Variants in KDM8 observed in about 807,000 individuals in gnomAD.
KDM8 encodes bifunctional peptidase and arginyl-hydroxylase JMJD5.
A neutral mutation model predicts 46.9 loss-of-function variants in KDM8; 35 were observed. That is an observed-to-expected ratio of 0.75 (90% CI 0.57 to 0.99). The LOEUF (loss-of-function observed/expected upper bound fraction) is 0.99, where lower values mean the gene tolerates loss of function less well. Among genes scored for constraint, KDM8 ranks in the 50% least tolerant of loss-of-function variants. The pLI is 0.00. For missense variants in KDM8, 475 were observed against 537.0 expected (o/e 0.88, Z 1.14); for synonymous variants, 232 against 227.7 (o/e 1.02, Z -0.17).
At chr16:27,211,018 G>C (rs2083478028) in intron 2 of KDM8, 2 of 389,826 alleles carry the variant, frequency 5.1e-6, no homozygotes, top group Admixed American at 3.3e-5. Context: ...GCCTAAAGCA[G>C]TCCTCCTGTC....
intron 1 of KDM8, chr16:27,204,567 G>C (rs1186713340): frequency 5.7e-6 from 1 of 176,554 alleles, no homozygotes; most frequent in Non-Finnish European, 1.2e-5. Flanking sequence ...AGGCTGATCT[G>C]TCCTGGAAGC....
chr16:27,213,656 G>C lies in KDM8; in HGVS notation c.570G>C (p.Pro190=). The change falls in exon 3 of 8, where the codon CCG becomes CCC. Residue 190 remains proline, a synonymous_variant. Transcript: ENST00000286096. The part of the protein sequence containing the change: ...LEKTVPRLHR[P]SLQHFREQFL... ...AAACAGTCCCCCGGCTGCACCGTCC[G>C]TCCCTCCAGCATTTCAGGGAGCAGT... 1 of 1,614,162 alleles carries C rather than the reference G, an allele frequency of 6.2e-7. No individual in the cohort carries two copies. Among genetic ancestry groups the C allele is most frequent in the East Asian group, 2.2e-5 (1 of 44,882 alleles).
At chr16:27,218,488 C>T (rs547315249) in intron 5 of KDM8, among the ~76,000 whole-genome samples, 4 of 152,312 alleles carry the variant, frequency 2.6e-5, no homozygotes, top group Admixed American at 1.3e-4. Flanking sequence ...TCTTCTCTGC[C>T]CAGCCTGTTT....
At chr16:27,218,739 A>G (rs2083582217) in intron 5 of KDM8, among the ~76,000 whole-genome samples, 1 of 152,106 alleles carries the variant, frequency 6.6e-6, no homozygotes, top group South Asian at 2.1e-4. Context: ...CCCAGCTAGT[A>G]AGGAGGCTGA....
chr16:27,211,323 C>A, intron 2 of KDM8: 1 of 405,238 alleles, frequency 2.5e-6, no homozygotes, highest in Non-Finnish European at 4.9e-6. Context: ...TCCTGTCTCT[C>A]TGCTCCTGGG....
chr16:27,204,061 G>T (rs1326593711), intron 1 of KDM8: 2 of 1,542,978 alleles, frequency 1.3e-6, no homozygotes, highest in Non-Finnish European at 1.8e-6. Context: ...CGCAAGGCAG[G>T]CTGGAAACGA....
Position 27,220,853 on chromosome 16 carries a change from C to A in KDM8, c.*123C>A. On this transcript the variant is annotated 3_prime_UTR_variant, in exon 8 of 8. Transcript: ENST00000286096. ...CTGTGTCCTGAAGAGCCTTCACTGC[C>A]CAGTGGCAGCCCTGGGGGGCTGAGC... The A allele has an allele frequency of 8.5e-7, 1 of 1,175,882 alleles. No homozygotes were observed. The highest frequency in any genetic ancestry group is 1.3e-6 in the Non-Finnish European group (1 of 795,856). The allele number at this position is 1,175,882 out of a possible 1,614,324, so 72.8% of individuals were successfully genotyped here.
intron 2 of KDM8, among the ~76,000 whole-genome samples, chr16:27,212,949 C>A (rs1425996511): frequency 6.6e-6 from 1 of 152,140 alleles, no homozygotes; most frequent in Non-Finnish European, 1.5e-5. Flanking sequence ...CTTGGTCTCC[C>A]AAAGTGCTGG....
rs1476875353 is a variant in KDM8, at chr16:27,210,462, C to T, written c.339C>T (p.Ala113=). The part of the protein sequence containing the change: ...ALCLCQAPED[A]NTVAAALRVC... ...GTCTGTGCCAGGCACCTGAGGATGCCAACACTGTGGCCGCAGCCCTGCGGG... is the reference window on the plus strand; with the variant it reads ...GTCTGTGCCAGGCACCTGAGGATGCTAACACTGTGGCCGCAGCCCTGCGGG... The change falls in exon 2 of 8, where the codon GCC becomes GCT. Residue 113 remains alanine (A), a synonymous_variant. Transcript: ENST00000286096. The T allele has an allele frequency of 7.5e-6, 12 of 1,593,012 alleles. No individual in the cohort carries two copies. The highest frequency in any genetic ancestry group is 1.0e-5 in the Non-Finnish European group (12 of 1,165,494).
chr16:27,208,827 G>A (rs2083451924), intron 1 of KDM8, among the ~76,000 whole-genome samples: 1 of 152,168 alleles, frequency 6.6e-6, no homozygotes, highest in Non-Finnish European at 1.5e-5. Context: ...AAGCCTTCTA[G>A]GAGGCTAGAG....
chr16:27,216,494 G>A (rs2140973310), intron 5 of KDM8, among the ~76,000 whole-genome samples: 1 of 152,308 alleles, frequency 6.6e-6, no homozygotes, highest in East Asian at 1.9e-4. Context: ...TCAAGGATAG[G>A]GCCAGGTGCG....
chr16:27,217,058 G>T (rs571095284), intron 5 of KDM8, among the ~76,000 whole-genome samples: 10 of 152,204 alleles, frequency 6.6e-5, no homozygotes, highest in Admixed American at 1.3e-4. Flanking sequence ...ATGGAGGGCC[G>T]CCTGGGTGTT....
intron 3 of KDM8, 45 bp downstream of exon 3, chr16:27,213,796 C>T (rs372038538): frequency 3.6e-5 from 57 of 1,593,634 alleles, no homozygotes; most frequent in East Asian, 4.5e-5. Context: ...CCCATTTTAG[C>T]GTTCCCCAGG....
intron 5 of KDM8, among the ~76,000 whole-genome samples, chr16:27,217,869 A>G (rs2083572417): frequency 6.7e-6 from 1 of 148,754 alleles, no homozygotes; most frequent in African/African-American, 2.5e-5. Flanking sequence ...CCCGTGAAGA[A>G]CCCTGGGGTT....
At position 27,215,996 on chromosome 16, in the gene KDM8, C is replaced by A. The variant is rs763082970; in HGVS notation, c.843+7C>A. ...GCACCAGCTCTTTGACCAGGTAAGT[C>A]TGAGGCCACGCACCTCTGCCCCTCA... is the stretch of plus-strand genomic sequence containing the variant. On this transcript the variant is annotated splice_region_variant and intron_variant, in intron 5 of 7. Transcript: ENST00000286096. 25 of 1,614,020 alleles carry A rather than the reference C, an allele frequency of 1.5e-5. No homozygotes were observed. The highest frequency in any genetic ancestry group is 2.7e-5 in the African/African-American group (2 of 74,920).
chr16:27,216,202 T>C (rs1377084928), intron 5 of KDM8: 2 of 597,930 alleles, frequency 3.3e-6, no homozygotes, highest in Non-Finnish European at 6.0e-6. Context: ...TTGTAGGGGC[T>C]GCTATTCAGA....
In KDM8 at chr16:27,215,499, T is replaced by C. The variant is rs548812004; in HGVS notation, c.799-446T>C. On this transcript the variant is annotated intron_variant, in intron 4 of 7. Coordinates refer to ENST00000286096, the MANE Select transcript of KDM8 (RefSeq NM_024773.3). ...AGAGGCTGAGGTGGGGCAAATTGCT[T>C]GAGCCCAGGAGGCAGAGGTTGCAGT... Among the ~76,000 whole-genome samples, 50 of 152,264 alleles carry C rather than the reference T, an allele frequency of 3.3e-4. 1 individual carries two copies. In the South Asian group the frequency reaches 6.4e-3, roughly 20 times the overall value.
intron 1 of KDM8, among the ~76,000 whole-genome samples, chr16:27,205,666 C>T (rs1439601462): frequency 2.0e-5 from 3 of 152,100 alleles, no homozygotes; most frequent in African/African-American, 4.8e-5. Context: ...AGTGAAACCC[C>T]GTCTCTACTA....
At position 27,220,336 on chromosome 16, in the gene KDM8, G is replaced by A. The variant is rs1022423548; in HGVS notation, c.994-57G>A. 5 of 1,481,248 alleles carry A rather than the reference G, an allele frequency of 3.4e-6. No individual in the cohort carries two copies. The African/African-American group carries it at 5.5e-5, about 16-fold the overall frequency. The allele number at this position is 1,481,248 out of a possible 1,614,324, so 91.8% of individuals were successfully genotyped here. A position where few individuals can be genotyped will look rare whatever the true frequency, so the allele number is the denominator to read the frequency against. On this transcript the variant is annotated intron_variant, in intron 6 of 7. Transcript: ENST00000286096. ...TGGAAGGGCACAGAGGCCAGAGTGG[G>A]CTTGGGGCAGCAGTGGAGTGAGGCC...
Sources: gnomAD v4.1 joint callset for allele counts (sites outside exome capture counted in the v4.1 genomes callset) on GRCh38, gnomAD v4.1.1 for gene constraint, MANE v1.5 for transcripts, NCBI Gene and HGNC (gene_info 2026-07-23, HGNC 2026-07-21) for gene names.